Variants in USP42 observed in about 807,000 individuals in gnomAD.
USP42 encodes the protein ubiquitin carboxyl-terminal hydrolase 42.
A neutral mutation model predicts 113.0 loss-of-function variants in USP42; 23 were observed. The observed-to-expected ratio is 0.20, with a 90% CI of 0.15 to 0.29. The LOEUF is 0.29. Ranked by LOEUF, USP42 falls within the 10% of genes least tolerant of loss-of-function variation. USP42 has a pLI of 1.00. For missense variants in USP42, 2,174 were observed against 1,779.8 expected (o/e 1.22, Z -3.99); for synonymous variants, 933 against 699.0 (o/e 1.33, Z -5.28).
chr7:6,136,467 CAAT>C (rs1318294942), intron 4 of USP42, among the ~76,000 whole-genome samples: 1 of 152,006 alleles, frequency 6.6e-6, no homozygotes, highest in Non-Finnish European at 1.5e-5. Context: ...CAAAAGATGA[CAAT>C]ATATTAAAGA....
rs139429199 is a variant in USP42, at chr7:6,128,690, G to A, written c.443-7151G>A. On this transcript the variant is annotated intron_variant, in intron 3 of 17. Transcript: ENST00000306177. ...TATTTTAAGACTTAAGGCTTATTCT[G>A]CCATTTAATGTTTTGTTTTTTGTTC... Among the ~76,000 whole-genome samples the A allele has an allele frequency of 4.5e-3, 687 of 151,674 alleles. 3 individuals are homozygous for A. Among genetic ancestry groups the A allele is most frequent in the African/African-American group, 0.016 (652 of 41,394 alleles).
chr7:6,136,627 C>T (rs1170372033), intron 4 of USP42, among the ~76,000 whole-genome samples: 1 of 152,090 alleles, frequency 6.6e-6, no homozygotes, highest in East Asian at 1.9e-4. Flanking sequence ...TTTTTGTAAA[C>T]AGTTTTTAAT....
At chr7:6,124,281 T>C (rs1195373658) in intron 3 of USP42, among the ~76,000 whole-genome samples, 1 of 152,168 alleles carries the variant, frequency 6.6e-6, no homozygotes, top group African/African-American at 2.4e-5. Context: ...CTTTTTTCTT[T>C]TTTTGAGACG....
At chr7:6,089,673 C>T in the USP42 span, among the ~76,000 whole-genome samples, 1 of 149,920 alleles carries the variant, frequency 6.7e-6, no homozygotes, top group Non-Finnish European at 1.5e-5. Flanking sequence ...GCTGGGATTA[C>T]AGGCATGCAC....
At chr7:6,108,960 A>G (rs564842666) in intron 1 of USP42, among the ~76,000 whole-genome samples, 10 of 152,246 alleles carry the variant, frequency 6.6e-5, no homozygotes, top group Non-Finnish European at 1.5e-4. Flanking sequence ...CTTTCTCTAC[A>G]CCAGGTCAGA....
At chr7:6,132,945 A>G (rs1288048672) in intron 3 of USP42, among the ~76,000 whole-genome samples, 2 of 152,332 alleles carry the variant, frequency 1.3e-5, no homozygotes, top group Non-Finnish European at 2.9e-5. Flanking sequence ...TGCTGGGATT[A>G]CAGGCGTGAG....
In USP42 at chr7:6,125,598, G is replaced by A. The variant is rs1054687223; in HGVS notation, c.442+10075G>A. Reference sequence around the variant, plus strand: ...TGTGCTATTGTTGTCATGCGTTGTTGTATTATTTTTTTCTTTAAATTCATT... The same window carrying A: ...TGTGCTATTGTTGTCATGCGTTGTTATATTATTTTTTTCTTTAAATTCATT... On this transcript the variant is annotated intron_variant, in intron 3 of 17. Transcript: ENST00000306177. Among the ~76,000 whole-genome samples, 98 of 152,210 alleles carry A rather than the reference G, an allele frequency of 6.4e-4. 1 individual carries two copies. The highest frequency in any genetic ancestry group is 2.0e-3 in the African/African-American group (85 of 41,532).
chr7:6,083,893 T>A, the USP42 span, among the ~76,000 whole-genome samples: 1 of 151,106 alleles, frequency 6.6e-6, no homozygotes, highest in Admixed American at 6.6e-5. Context: ...CAAGGATAGA[T>A]TTGTACTGAT....
chr7:6,149,603 G>A lies in USP42; in HGVS notation c.1407G>A (p.Gly469=), dbSNP rs1187014222. The change falls in exon 13 of 18, where the codon GGG becomes GGA. Residue 469 remains glycine (G), a synonymous_variant. Transcript: ENST00000306177. Reference sequence around the variant, plus strand: ...TCCAGAATCCACCTCACTTAAATGGGACTGGACCATTGAAAGACACGCCAA... The same window carrying A: ...TCCAGAATCCACCTCACTTAAATGGAACTGGACCATTGAAAGACACGCCAA... The part of the protein sequence containing the change: ...HMIKNPPHLN[G]TGPLKDTPSS... The A allele has an allele frequency of 1.9e-6, 3 of 1,613,794 alleles. No homozygotes were observed. The South Asian group carries it at 3.3e-5, about 18-fold the overall frequency.
chr7:6,090,800 A>T, the USP42 span, among the ~76,000 whole-genome samples: 2 of 144,790 alleles, frequency 1.4e-5, no homozygotes, highest in Non-Finnish European at 1.5e-5. Flanking sequence ...AATATATATA[A>T]CATATAGTTA....
At chr7:6,095,855 C>G in the USP42 span, among the ~76,000 whole-genome samples, 36 of 151,006 alleles carry the variant, frequency 2.4e-4, 1 homozygote, top group East Asian at 7.0e-3. Flanking sequence ...CTACACCTCC[C>G]AGGCTCAAGC....
chr7:6,109,431 A>G (rs759988693), intron 1 of USP42, among the ~76,000 whole-genome samples: 1 of 151,954 alleles, frequency 6.6e-6, no homozygotes, highest in African/African-American at 2.4e-5. Context: ...GAGTCTCTCT[A>G]TGTCAGTCTG....
intron 14 of USP42, 136 bp downstream of exon 14, chr7:6,150,642 G>A (rs1175964166): frequency 2.4e-6 from 2 of 836,952 alleles, no homozygotes; most frequent in Non-Finnish European, 1.9e-6. Flanking sequence ...GAATTATAAT[G>A]TATAGGATTT....
chr7:6,143,435 C>T (rs1781539318), intron 8 of USP42, among the ~76,000 whole-genome samples: 1 of 152,046 alleles, frequency 6.6e-6, no homozygotes, highest in Non-Finnish European at 1.5e-5. Flanking sequence ...AGGGTGGGTT[C>T]CCAGGGTTTG....
chr7:6,125,939 C>G (rs572936758), intron 3 of USP42, among the ~76,000 whole-genome samples: 4 of 152,146 alleles, frequency 2.6e-5, no homozygotes, highest in African/African-American at 4.8e-5. Flanking sequence ...CCCATGTACC[C>G]TTACTGAACC....
At chr7:6,101,197 C>T (rs1305318105), upstream of USP42, among the ~76,000 whole-genome samples, 2 of 151,022 alleles carry the variant, frequency 1.3e-5, no homozygotes, top group South Asian at 4.2e-4. Context: ...TTATAAGCAG[C>T]GAACACCACA....
chr7:6,111,299 C>A lies in USP42; in HGVS notation c.166C>A (p.Pro56Thr). Reference protein sequence around the residue: ...DVSNHTLSLGPVPGAVVYSSS... With the variant: ...DVSNHTLSLGTVPGAVVYSSS... ...GTCAAATCACACACTTTCTTTAGGA[C>A]CAGTACCTGGTGCTGTAGTTTATTC... Residue 56 changes from proline to threonine, a missense_variant, in exon 2 of 18, where the codon CCA becomes ACA. Coordinates refer to ENST00000306177, the MANE Select transcript of USP42 (RefSeq NM_032172.3). The A allele has an allele frequency of 2.5e-6, 4 of 1,607,980 alleles. No homozygotes were observed. Among genetic ancestry groups the A allele is most frequent in the South Asian group, 1.1e-5 (1 of 90,164 alleles).
intron 7 of USP42, among the ~76,000 whole-genome samples, chr7:6,142,623 C>G (rs1433862923): frequency 1.3e-5 from 2 of 152,118 alleles, no homozygotes; most frequent in Admixed American, 6.6e-5. Flanking sequence ...CAGCTCATAC[C>G]TGTAATCCTA....
Position 6,154,896 on chromosome 7 carries a change from C to T in USP42, c.3342C>T (p.Pro1114=), listed in dbSNP as rs1287762349. The change falls in exon 15 of 18, where the codon CCC becomes CCT. Residue 1114 remains proline, a synonymous_variant. Transcript: ENST00000306177. ...CCCGGGAGAGGGAGCGGCACCGCCC[C>T]AGCAGCCCCCGCGCAGGCGCGCCCC... The part of the protein sequence containing the change: ...EPARERERHR[P]SSPRAGAPHA... The T allele has an allele frequency of 3.9e-6, 6 of 1,542,114 alleles. No homozygotes were observed. Among genetic ancestry groups the T allele is most frequent in the Admixed American group, 4.0e-5 (2 of 50,074 alleles).
Sources: allele counts gnomAD v4.1 joint callset (sites outside exome capture counted in the v4.1 genomes callset), GRCh38; gene constraint gnomAD v4.1.1; transcripts MANE v1.5; gene names NCBI Gene and HGNC (gene_info 2026-07-23, HGNC 2026-07-21).